RNF220: variants seen among roughly 807,000 people sequenced by gnomAD.
RNF220 encodes the protein E3 ubiquitin-protein ligase RNF220.
RNF220 carries 7 observed loss-of-function variants against 67.1 expected under a neutral mutation model. That is an observed-to-expected ratio of 0.10 (90% CI 0.06 to 0.20). The LOEUF is 0.20. RNF220 is among the 10% of genes least tolerant of loss of function. The pLI is 1.00. For missense variants in RNF220, 565 were observed against 740.3 expected (o/e 0.76, Z 2.75); for synonymous variants, 270 against 283.2 (o/e 0.95, Z 0.47).
chr1:44,534,892 A>G (rs1305284191), intron 2 of RNF220, among the ~76,000 whole-genome samples: 1 of 152,188 alleles, frequency 6.6e-6, no homozygotes, highest in African/African-American at 2.4e-5. Context: ...ACAACAAAGA[A>G]CATACCTGGA....
chr1:44,413,016 A>G (rs6690445), intron 2 of RNF220, among the ~76,000 whole-genome samples: 70,677 of 152,020 alleles, frequency 0.46, 17,088 homozygotes, highest in East Asian at 0.76. Context: ...CCACCGACGT[A>G]CTGAAGTGAA....
chr1:44,424,552 G>C (rs1649554324), intron 2 of RNF220, among the ~76,000 whole-genome samples: 1 of 152,180 alleles, frequency 6.6e-6, no homozygotes, highest in African/African-American at 2.4e-5. Context: ...AGGACTAGTG[G>C]GGAGGAAAGG....
In RNF220 at chr1:44,621,664, C is replaced by T. The variant is rs183896475; in HGVS notation, c.759-1078C>T. On this transcript the variant is annotated intron_variant, in intron 3 of 14. Transcript: ENST00000361799. The surrounding 1 kb of genome is among the most constrained non-coding windows in gnomAD (Gnocchi z 4.8). Reference sequence around the variant, plus strand: ...CTTGTCCGGTACGTTTGTGTCTGGCCCTGTGGGTGTCTGAGCTCATCTGTG... The same window carrying T: ...CTTGTCCGGTACGTTTGTGTCTGGCTCTGTGGGTGTCTGAGCTCATCTGTG... Among the ~76,000 whole-genome samples, 97 of 152,212 alleles carry T rather than the reference C, an allele frequency of 6.4e-4. No homozygotes were observed. The highest frequency in any genetic ancestry group is 5.4e-3 in the Admixed American group (83 of 15,282).
At chr1:44,499,134 T>G (rs894485299) in intron 2 of RNF220, among the ~76,000 whole-genome samples, 3 of 152,180 alleles carry the variant, frequency 2.0e-5, no homozygotes, top group African/African-American at 7.2e-5. Context: ...ACCTAACTTC[T>G]TTCCTAATGT....
chr1:44,439,292 A>G (rs1160732759), intron 2 of RNF220, among the ~76,000 whole-genome samples: 1 of 152,172 alleles, frequency 6.6e-6, no homozygotes, highest in Non-Finnish European at 1.5e-5. Flanking sequence ...TTCTTTAGTT[A>G]CTAGTGAAGC....
chr1:44,406,909 AC>A (rs1248626700), intron 1 of RNF220, among the ~76,000 whole-genome samples: 1 of 152,046 alleles, frequency 6.6e-6, no homozygotes, highest in African/African-American at 2.4e-5. Flanking sequence ...GCCCAGGTCG[AC>A]CCCAGCTGGC....
At chr1:44,532,428 A>G (rs1365535701) in intron 2 of RNF220, among the ~76,000 whole-genome samples, 1 of 152,218 alleles carries the variant, frequency 6.6e-6, no homozygotes, top group Non-Finnish European at 1.5e-5. Flanking sequence ...TCCCCACTAT[A>G]TACCAGAGGT....
At chr1:44,594,139 A>G (rs779739682) in intron 2 of RNF220, among the ~76,000 whole-genome samples, 1 of 151,926 alleles carries the variant, frequency 6.6e-6, no homozygotes, top group African/African-American at 2.4e-5. Context: ...ATAACAACCT[A>G]CCACCCCTGC....
At chr1:44,579,327 A>C (rs576550429) in intron 2 of RNF220, among the ~76,000 whole-genome samples, 9 of 152,338 alleles carry the variant, frequency 5.9e-5, no homozygotes, top group African/African-American at 2.2e-4. Context: ...GACCCAGACT[A>C]CCGAGGAGTC....
intron 2 of RNF220, among the ~76,000 whole-genome samples, chr1:44,548,300 A>G (rs1236725306): frequency 2.0e-5 from 3 of 151,960 alleles, no homozygotes; most frequent in Non-Finnish European, 4.4e-5. Flanking sequence ...TGCTCACATG[A>G]TCTTCCTAAA....
intron 8 of RNF220, 150 bp downstream of exon 8, chr1:44,636,312 C>T (rs929447884): frequency 4.1e-6 from 4 of 965,180 alleles, no homozygotes; most frequent in Non-Finnish European, 6.6e-6. Context: ...TCCTTTGTGA[C>T]CGTGCTGCCT....
At chr1:44,595,432 T>A (rs1179761846) in intron 2 of RNF220, among the ~76,000 whole-genome samples, 1 of 152,032 alleles carries the variant, frequency 6.6e-6, no homozygotes, top group Non-Finnish European at 1.5e-5. Context: ...GGAATCTGGC[T>A]CCCCGGGACA....
At position 44,632,400 on chromosome 1, in the gene RNF220, G is replaced by GCCCCCCCCCCCCCCCCCCCCCCC; in HGVS notation, c.949+19_949+20insCCCCCCCCCCCCCCCCCCCCCCC. 6.2e-7 allele frequency: 1 copy of GCCCCCCCCCCCCCCCCCCCCCCC among 1,607,452 alleles called. No individual in the cohort carries two copies. Among genetic ancestry groups the GCCCCCCCCCCCCCCCCCCCCCCC allele is most frequent in the East Asian group, 2.2e-5 (1 of 44,634 alleles). ...CCGACTGAATGGTGAGTCCTGCCCG[G>GCCCCCCCCCCCCCCCCCCCCCCC]CCCCTCCCTCCGCCCCACCCCCGGC... is the stretch of plus-strand genomic sequence containing the variant. On this transcript the variant is annotated intron_variant, in intron 6 of 14. Transcript: ENST00000361799.
chr1:44,480,290 C>T (rs1433536555), intron 2 of RNF220, among the ~76,000 whole-genome samples: 1 of 151,944 alleles, frequency 6.6e-6, no homozygotes, highest in Non-Finnish European at 1.5e-5. Flanking sequence ...GCCTGTAGTC[C>T]CAGCTACTCA....
chr1:44,619,135 C>T (rs1049771120), intron 3 of RNF220, among the ~76,000 whole-genome samples: 4 of 152,246 alleles, frequency 2.6e-5, no homozygotes, highest in Non-Finnish European at 4.4e-5. Context: ...GGCCCTCAGG[C>T]AGGAGTTTCC....
intron 2 of RNF220, among the ~76,000 whole-genome samples, chr1:44,526,649 T>C (rs75339918): frequency 0.017 from 2,576 of 152,234 alleles, 32 homozygotes; most frequent in South Asian, 0.04. Context: ...ATATCCCTCT[T>C]CCTACCAATG....
chr1:44,479,282 A>G (rs1655580811), intron 2 of RNF220, among the ~76,000 whole-genome samples: 1 of 151,918 alleles, frequency 6.6e-6, no homozygotes, highest in Non-Finnish European at 1.5e-5. Context: ...GTGCCCAACT[A>G]ATTTTTTATA....
At chr1:44,409,986 T>C (rs1445468247) in intron 1 of RNF220, among the ~76,000 whole-genome samples, 9 of 152,318 alleles carry the variant, frequency 5.9e-5, no homozygotes, top group Admixed American at 5.9e-4. Context: ...ATATTGTTGA[T>C]TTATTTTCAG....
intron 2 of RNF220, among the ~76,000 whole-genome samples, chr1:44,468,371 A>G (rs1014185391): frequency 1.3e-5 from 2 of 152,134 alleles, no homozygotes; most frequent in Non-Finnish European, 2.9e-5. Flanking sequence ...GGTCTCTGAT[A>G]TATCTTGTGT....
Sources: gnomAD v4.1 joint callset for allele counts (sites outside exome capture counted in the v4.1 genomes callset) on GRCh38, gnomAD v4.1.1 for gene constraint, Gnocchi (gnomAD v3.1) non-coding constraint, MANE v1.5 for transcripts, NCBI Gene and HGNC (gene_info 2026-07-23, HGNC 2026-07-21) for gene names.